FER: variants seen among roughly 807,000 people sequenced by gnomAD.
FER encodes the protein FER tyrosine kinase, also known as tyrosine-protein kinase Fer.
A neutral mutation model predicts 111.0 loss-of-function variants in FER; 63 were observed. The observed-to-expected ratio is 0.57, with a 90% CI of 0.46 to 0.70. The LOEUF is 0.70. FER is among the 30% of genes least tolerant of loss of function. The pLI is 0.00. For synonymous variants in FER, 327 were observed against 313.9 expected, an observed-to-expected ratio of 1.04 and a Z score of -0.44; for missense variants, 914 against 954.0, an observed-to-expected ratio of 0.96 and a Z score of 0.55.
At chr5:108,901,375 C>CTG in intron 10 of FER, among the ~76,000 whole-genome samples, 1 of 151,860 alleles carries the variant, frequency 6.6e-6, no homozygotes, top group East Asian at 1.9e-4. Context: ...AGAATTAAAG[C>CTG]TGTGTAATAA....
At chr5:108,955,181 AAT>A (rs1272216456) in intron 12 of FER, among the ~76,000 whole-genome samples, 1 of 151,846 alleles carries the variant, frequency 6.6e-6, no homozygotes, top group Non-Finnish European at 1.5e-5. Flanking sequence ...AGCTATTTAA[AAT>A]ATGTTGTTAA....
intron 13 of FER, among the ~76,000 whole-genome samples, chr5:109,030,081 C>A (rs1244240661): frequency 6.6e-6 from 1 of 152,050 alleles, no homozygotes; most frequent in African/African-American, 2.4e-5. Context: ...ATTAGCCTCT[C>A]TTATCTTCAC....
At chr5:109,161,948 G>A (rs1280030162) in intron 17 of FER, among the ~76,000 whole-genome samples, 2 of 152,030 alleles carry the variant, frequency 1.3e-5, no homozygotes, top group African/African-American at 4.8e-5. Flanking sequence ...CTTTTTAATA[G>A]CCATTCCGAC....
chr5:109,020,721 A>G (rs537803563), intron 13 of FER, among the ~76,000 whole-genome samples: 2 of 152,180 alleles, frequency 1.3e-5, no homozygotes, highest in South Asian at 4.1e-4. Context: ...TTTGTTTTGT[A>G]TCCAGAAGCA....
chr5:108,828,871 G>A (rs183458293), intron 3 of FER, among the ~76,000 whole-genome samples: 1 of 152,240 alleles, frequency 6.6e-6, no homozygotes, highest in East Asian at 1.9e-4. Context: ...AGACCGGCAG[G>A]ATGATTGATT....
intron 17 of FER, among the ~76,000 whole-genome samples, chr5:109,130,320 A>T (rs972335467): frequency 1.3e-5 from 2 of 152,010 alleles, no homozygotes; most frequent in African/African-American, 4.8e-5. Context: ...TTTTCCCCTG[A>T]GAAGGCTTTT....
intron 2 of FER, among the ~76,000 whole-genome samples, chr5:108,776,000 TCTAA>T (rs1484870016): frequency 2.0e-5 from 3 of 152,344 alleles, no homozygotes; most frequent in East Asian, 1.9e-4. Flanking sequence ...ATTTGTGACT[TCTAA>T]CTGTCAGTAT....
chr5:108,832,729 C>A, intron 3 of FER, 41 bp from the exon 4 acceptor site: 1 of 1,396,126 alleles, frequency 7.2e-7, no homozygotes, highest in Non-Finnish European at 9.5e-7. Flanking sequence ...AAATGGAAAC[C>A]TTTAATGCAA....
chr5:109,012,430 T>G (rs1470089752), intron 13 of FER, among the ~76,000 whole-genome samples: 2 of 152,260 alleles, frequency 1.3e-5, no homozygotes, highest in Non-Finnish European at 2.9e-5. Flanking sequence ...GTACGTATTT[T>G]GAGGCTAAAT....
intron 17 of FER, among the ~76,000 whole-genome samples, chr5:109,122,274 T>C (rs1340528270): frequency 6.6e-6 from 1 of 152,166 alleles, no homozygotes; most frequent in Non-Finnish European, 1.5e-5. Context: ...TGTGTTTCCA[T>C]ATCAATTGTA....
intron 17 of FER, among the ~76,000 whole-genome samples, chr5:109,142,553 G>C (rs1474904503): frequency 6.6e-6 from 1 of 152,082 alleles, no homozygotes; most frequent in Non-Finnish European, 1.5e-5. Flanking sequence ...TACTTTTGAG[G>C]AACATTTATT....
intron 13 of FER, among the ~76,000 whole-genome samples, chr5:108,966,130 T>G (rs1759779775): frequency 6.6e-6 from 1 of 152,190 alleles, no homozygotes; most frequent in African/African-American, 2.4e-5. Flanking sequence ...TAAGCCTACC[T>G]CAGACTTTCT....
At chr5:109,016,862 A>G (rs982173095) in intron 13 of FER, among the ~76,000 whole-genome samples, 1 of 151,990 alleles carries the variant, frequency 6.6e-6, no homozygotes, top group African/African-American at 2.4e-5. Flanking sequence ...ATTAAGGTTA[A>G]ATAAGGTTAT....
At chr5:109,064,440 A>G (rs1426426069) in intron 16 of FER, among the ~76,000 whole-genome samples, 5 of 152,196 alleles carry the variant, frequency 3.3e-5, no homozygotes. Flanking sequence ...ATTTCAGTTA[A>G]TAGGATCACT....
At chr5:109,002,459 T>C (rs1321086388) in intron 13 of FER, among the ~76,000 whole-genome samples, 1 of 151,774 alleles carries the variant, frequency 6.6e-6, no homozygotes, top group Non-Finnish European at 1.5e-5. Context: ...TTATACCTTA[T>C]ACAAAAATTA....
At chr5:109,087,921 C>T (rs1287481645) in intron 16 of FER, among the ~76,000 whole-genome samples, 1 of 151,796 alleles carries the variant, frequency 6.6e-6, no homozygotes, top group Non-Finnish European at 1.5e-5. Context: ...GTTTCAAAAT[C>T]TAATTTTATA....
chr5:109,123,835 A>G (rs1429861206), intron 17 of FER, among the ~76,000 whole-genome samples: 1 of 152,156 alleles, frequency 6.6e-6, no homozygotes, highest in Admixed American at 6.6e-5. Flanking sequence ...AGAACATTTT[A>G]ACCTGTTATT....
rs1364711734 is a variant in FER at position 109,189,932 on chromosome 5, CAT to C, written c.*2358_*2359del. ...TAAAAAGCTTTTCAAAACATCGTGA[CAT>C]GTGTAGCATTTAAATTCCATTTTAT... On this transcript the variant is annotated 3_prime_UTR_variant, in exon 20 of 20. Transcript: ENST00000281092. The C allele has an allele frequency of 1.3e-5, 2 of 152,204 alleles. No individual in the cohort carries two copies. Among genetic ancestry groups the C allele is most frequent in the Non-Finnish European group, 1.5e-5 (1 of 68,026 alleles). The allele number at this position is 152,204 out of a possible 1,614,324, so 9.4% of individuals were successfully genotyped here.
chr5:108,847,760 C>T (rs563246863), intron 5 of FER, among the ~76,000 whole-genome samples: 17 of 152,142 alleles, frequency 1.1e-4, no homozygotes, highest in Non-Finnish European at 2.4e-4. Flanking sequence ...ATGAAATGAC[C>T]TTTATTATGC....
Sources: allele counts gnomAD v4.1 joint callset (sites outside exome capture counted in the v4.1 genomes callset), GRCh38; gene constraint gnomAD v4.1.1; transcripts MANE v1.5; gene names NCBI Gene and HGNC (gene_info 2026-07-23, HGNC 2026-07-21).